The following DAB2IP variants were observed in gnomAD, a reference collection of about 807,000 sequenced individuals.
DAB2IP encodes the protein disabled homolog 2-interacting protein.
Under a neutral mutation model 107.2 loss-of-function variants are expected in DAB2IP, and 28 were observed. The observed-to-expected ratio is 0.26, with a 90% CI of 0.19 to 0.36. DAB2IP has a LOEUF of 0.36. DAB2IP is among the 10% of genes least tolerant of loss of function. DAB2IP has a pLI of 1.00. For missense variants in DAB2IP, 1,400 were observed against 1,644.7 expected (o/e 0.85, Z 2.57); for synonymous variants, 755 against 706.4 (o/e 1.07, Z -1.09).
At chr9:121,705,879 A>T (rs1313569951) in intron 3 of DAB2IP, among the ~76,000 whole-genome samples, 1 of 152,234 alleles carries the variant, frequency 6.6e-6, no homozygotes, top group Non-Finnish European at 1.5e-5. Flanking sequence ...CCTTTGCAAA[A>T]TATTACTTGA....
intron 3 of DAB2IP, among the ~76,000 whole-genome samples, chr9:121,740,703 G>A (rs1832276717): frequency 1.3e-5 from 2 of 152,206 alleles, no homozygotes; most frequent in South Asian, 4.1e-4. Context: ...ATAACATAAT[G>A]TCTGCTAGAC....
intron 1 of DAB2IP, among the ~76,000 whole-genome samples, chr9:121,586,605 C>T (rs1830318675): frequency 6.6e-6 from 1 of 152,000 alleles, no homozygotes; most frequent in Admixed American, 6.5e-5. Flanking sequence ...ATTACTTGAG[C>T]CCAGGAGTTC....
chr9:121,610,753 G>A (rs1230289295), intron 1 of DAB2IP, among the ~76,000 whole-genome samples: 1 of 152,142 alleles, frequency 6.6e-6, no homozygotes, highest in Non-Finnish European at 1.5e-5. Flanking sequence ...GGGGCGCAGA[G>A]GAGAGCAGGT....
intron 3 of DAB2IP, among the ~76,000 whole-genome samples, chr9:121,745,106 G>A (rs1012207869): frequency 6.6e-6 from 1 of 152,216 alleles, no homozygotes; most frequent in African/African-American, 2.4e-5. Context: ...TGGGGGAAAA[G>A]GGCAGACGGT....
intron 3 of DAB2IP, among the ~76,000 whole-genome samples, chr9:121,712,717 T>C (rs1244807768): frequency 6.6e-6 from 1 of 152,200 alleles, no homozygotes; most frequent in Non-Finnish European, 1.5e-5. Context: ...AAGGCCTTGC[T>C]CCAAACCTTC....
chr9:121,615,521 C>T (rs933138802), intron 1 of DAB2IP, among the ~76,000 whole-genome samples: 1 of 152,220 alleles, frequency 6.6e-6, no homozygotes, highest in African/African-American at 2.4e-5. Flanking sequence ...TCTACCACTC[C>T]ATCACCTCTT....
chr9:121,778,286 T>A (rs146329454), intron 14 of DAB2IP, among the ~76,000 whole-genome samples: 1 of 152,174 alleles, frequency 6.6e-6, no homozygotes. Flanking sequence ...CCCCTACCTA[T>A]TAAGATAATC....
intron 1 of DAB2IP, among the ~76,000 whole-genome samples, chr9:121,568,192 C>A (rs1829852507): frequency 6.6e-6 from 1 of 152,166 alleles, no homozygotes; most frequent in African/African-American, 2.4e-5. Context: ...TTTCCCCCAC[C>A]CCATCCAGGC....
chr9:121,783,943 C>T lies in DAB2IP; in HGVS notation c.*1445C>T, dbSNP rs554347896. On this transcript the variant is annotated 3_prime_UTR_variant, in exon 16 of 16. Coordinates refer to ENST00000408936, the Ensembl canonical transcript of DAB2IP. ...AGGGTGGGAGTGGGGCCTTTGCCAG[C>T]AGAGCCAGGGCAGGGCGAGCTGCAG... 3 of 257,248 alleles carry T rather than the reference C, an allele frequency of 1.2e-5. No individual in the cohort carries two copies. The Admixed American group carries it at 1.4e-4, about 12-fold the overall frequency. The allele number at this position is 257,248 out of a possible 1,614,324, so 15.9% of individuals were successfully genotyped here.
intron 4 of DAB2IP, 137 bp downstream of exon 4, chr9:121,757,303 T>C: frequency 8.6e-7 from 1 of 1,158,158 alleles, no homozygotes; most frequent in Non-Finnish European, 1.2e-6. Flanking sequence ...GGCTAGTAGT[T>C]ACCGATAGCT....
intron 3 of DAB2IP, 111 bp from the exon 4 acceptor site, chr9:121,756,902 G>A (rs1589651313): frequency 2.1e-6 from 3 of 1,402,518 alleles, no homozygotes; most frequent in East Asian, 4.6e-5. Flanking sequence ...AGAGAGTGGA[G>A]AGGAGTGGCT....
chr9:121,593,304 G>A (rs892854766), intron 1 of DAB2IP, among the ~76,000 whole-genome samples: 11 of 152,142 alleles, frequency 7.2e-5, no homozygotes, highest in Admixed American at 3.3e-4. Context: ...GTCTCACTTT[G>A]TTGTCCAGGC....
At chr9:121,619,281 G>A (rs1831379756) in intron 1 of DAB2IP, among the ~76,000 whole-genome samples, 1 of 152,094 alleles carries the variant, frequency 6.6e-6, no homozygotes, top group African/African-American at 2.4e-5. Context: ...TGAGTAGCTG[G>A]GACTGCAGGT....
At chr9:121,765,195 G>T (rs1587982646) in intron 8 of DAB2IP, among the ~76,000 whole-genome samples, 2 of 152,140 alleles carry the variant, frequency 1.3e-5, no homozygotes, top group South Asian at 4.1e-4. Context: ...GCTGGGCTGT[G>T]CTTTCCCCCT....
At chr9:121,654,269 T>G (rs1420298324) in intron 1 of DAB2IP, among the ~76,000 whole-genome samples, 38 of 123,830 alleles carry the variant, frequency 3.1e-4, no homozygotes, top group Admixed American at 5.1e-4. Context: ...GGGAGGGGAG[T>G]GGATTGGGAA....
At chr9:121,619,755 C>T (rs901144820) in intron 1 of DAB2IP, among the ~76,000 whole-genome samples, 1 of 152,160 alleles carries the variant, frequency 6.6e-6, no homozygotes, top group African/African-American at 2.4e-5. Flanking sequence ...GTCTGAAATT[C>T]CACCATTAGT....
At chr9:121,580,354 G>A (rs1199791241) in intron 1 of DAB2IP, among the ~76,000 whole-genome samples, 2 of 152,190 alleles carry the variant, frequency 1.3e-5, no homozygotes, top group Non-Finnish European at 2.9e-5. Context: ...AGGGGTAGGT[G>A]GGAAGGAGAA....
chr9:121,731,641 C>T (rs1261298816), intron 3 of DAB2IP, among the ~76,000 whole-genome samples: 2 of 152,130 alleles, frequency 1.3e-5, no homozygotes, highest in East Asian at 1.9e-4. Context: ...CTGCTCTGGC[C>T]TCACGGTCAT....
At chr9:121,729,916 C>A (rs1180198722) in intron 3 of DAB2IP, among the ~76,000 whole-genome samples, 1 of 152,162 alleles carries the variant, frequency 6.6e-6, no homozygotes, top group Non-Finnish European at 1.5e-5. Flanking sequence ...GACTCCTTTT[C>A]TCCCTGGAAG....
Sources: allele counts gnomAD v4.1 joint callset (sites outside exome capture counted in the v4.1 genomes callset), GRCh38; gene constraint gnomAD v4.1.1; transcripts MANE v1.5; gene names NCBI Gene and HGNC (gene_info 2026-07-23, HGNC 2026-07-21).